FBXL20: variants seen among roughly 807,000 people sequenced by gnomAD.
The protein encoded by FBXL20 is F-box and leucine rich repeat protein 20, also known as F-box/LRR-repeat protein 20.
Under a neutral mutation model 64.0 loss-of-function variants are expected in FBXL20, and 11 were observed. The observed-to-expected ratio is 0.17, with a 90% CI of 0.11 to 0.28. The LOEUF (loss-of-function observed/expected upper bound fraction) is 0.28. Ranked by LOEUF, FBXL20 falls within the 10% of genes least tolerant of loss-of-function variation. The pLI is 1.00. For synonymous variants in FBXL20, 184 were observed against 189.0 expected (o/e 0.97, Z 0.22); for missense variants, 303 against 526.2 (o/e 0.58, Z 4.15).
intron 1 of FBXL20, among the ~76,000 whole-genome samples, chr17:39,364,031 AG>A (rs199798579): frequency 0.011 from 1,599 of 151,712 alleles, 28 homozygotes; most frequent in African/African-American, 0.037. Context: ...CTGAGATTAC[AG>A]GTATGTGCCA....
At chr17:39,396,039 T>C (rs1051396272) in intron 1 of FBXL20, among the ~76,000 whole-genome samples, 2 of 143,078 alleles carry the variant, frequency 1.4e-5, no homozygotes, top group African/African-American at 5.3e-5. Flanking sequence ...TCATTTGTTT[T>C]AGTAGGTGTT....
intron 7 of FBXL20, among the ~76,000 whole-genome samples, chr17:39,284,462 C>T (rs1292719625): frequency 2.6e-5 from 4 of 152,188 alleles, no homozygotes; most frequent in Admixed American, 2.6e-4. Flanking sequence ...CTCACTGCAG[C>T]CTCAACCTGC....
chr17:39,360,394 T>C (rs1471407198), intron 1 of FBXL20, among the ~76,000 whole-genome samples: 2 of 152,166 alleles, frequency 1.3e-5, no homozygotes, highest in African/African-American at 4.8e-5. Context: ...GTACATCTTA[T>C]GCATATTTTA....
At chr17:39,401,125 A>C (rs1346889583) in intron 1 of FBXL20, among the ~76,000 whole-genome samples, 1 of 152,104 alleles carries the variant, frequency 6.6e-6, no homozygotes, top group African/African-American at 2.4e-5. Context: ...GCCCGAGCTA[A>C]TCCCCCGCGG....
At chr17:39,343,010 CTTGA>C in intron 2 of FBXL20, among the ~76,000 whole-genome samples, 166 bp downstream of exon 2, 1 of 152,108 alleles carries the variant, frequency 6.6e-6, no homozygotes, top group East Asian at 1.9e-4. Context: ...TTTGAAATAT[CTTGA>C]TTGACATCTA....
At chr17:39,379,310 T>C (rs1459355426) in intron 1 of FBXL20, among the ~76,000 whole-genome samples, 3 of 151,888 alleles carry the variant, frequency 2.0e-5, no homozygotes, top group African/African-American at 7.2e-5. Context: ...CCTTGTACAC[T>C]GCTGGTGGAA....
chr17:39,256,320 C>CAAAAAAAAA lies in FBXL20; in HGVS notation c.*5131_*5139dup, dbSNP rs34975638. ...TGGGTGACAGAGCGAGACTCCATGTCAAAAAAAAAAAAAAAAAAAAGAAAT... is the reference window on the plus strand; with the variant it reads ...TGGGTGACAGAGCGAGACTCCATGTCAAAAAAAAAAAAAAAAAAAAAAAAAAAAAGAAAT... On this transcript the variant is annotated 3_prime_UTR_variant, in exon 15 of 15. Coordinates refer to ENST00000264658, the MANE Select transcript of FBXL20 (RefSeq NM_032875.3). 1 of 92,012 alleles carries CAAAAAAAAA rather than the reference C, an allele frequency of 1.1e-5. No individual in the cohort carries two copies. Among genetic ancestry groups the CAAAAAAAAA allele is most frequent in the African/African-American group, 3.9e-5 (1 of 25,326 alleles). The allele number at this position is 92,012 out of a possible 1,614,324, so 5.7% of individuals were successfully genotyped here.
chr17:39,378,499 G>A (rs543028467), intron 1 of FBXL20, among the ~76,000 whole-genome samples: 4 of 152,160 alleles, frequency 2.6e-5, no homozygotes, highest in African/African-American at 9.6e-5. Flanking sequence ...CTACAAAGGA[G>A]ATAGACAAAG....
intron 6 of FBXL20, among the ~76,000 whole-genome samples, chr17:39,293,407 G>C (rs2047058202): frequency 6.6e-6 from 1 of 151,436 alleles, no homozygotes; most frequent in African/African-American, 2.4e-5. Flanking sequence ...ATTTTTAGTA[G>C]AGATGGGGTT....
At chr17:39,370,087 G>C (rs117818262) in intron 1 of FBXL20, among the ~76,000 whole-genome samples, 1 of 151,592 alleles carries the variant, frequency 6.6e-6, no homozygotes, top group African/African-American at 2.4e-5. Context: ...CTCTAGCCTG[G>C]ACAACATAGC....
In FBXL20 at chr17:39,370,165, A is replaced by G. The variant is rs141652965; in HGVS notation, c.43-26924T>C. Among the ~76,000 whole-genome samples, 1,467 of 151,714 alleles carry G rather than the reference A, an allele frequency of 9.7e-3. 30 individuals are homozygous for G. The highest frequency in any genetic ancestry group is 0.034 in the African/African-American group (1,387 of 41,384). On this transcript the variant is annotated intron_variant, in intron 1 of 14. Transcript: ENST00000264658. ...AATACATCTTAAAAATAATGTTTGC[A>G]TGTGTCCTTAACAAAGAGGATGGTT...
At chr17:39,277,817 A>C (rs1219870301) in intron 9 of FBXL20, among the ~76,000 whole-genome samples, 6 of 152,150 alleles carry the variant, frequency 3.9e-5, no homozygotes, top group Non-Finnish European at 7.3e-5. Flanking sequence ...ATCTGTCAAG[A>C]AAATGAAAGC....
intron 1 of FBXL20, among the ~76,000 whole-genome samples, chr17:39,385,226 AACACACACGCGCGTGCGTGCACACAC>A (rs1199489849): frequency 2.0e-5 from 3 of 151,962 alleles, no homozygotes; most frequent in Non-Finnish European, 2.9e-5. Flanking sequence ...TGTCTCTAGA[AACACACACGCGCGTGCGTGCACACAC>A]ACACACACAA....
At chr17:39,401,252 G>C in intron 1 of FBXL20, 109 bp downstream of exon 1, 1 of 1,586,048 alleles carries the variant, frequency 6.3e-7, no homozygotes, top group South Asian at 1.1e-5. Flanking sequence ...CCCGCCAGTG[G>C]GTGGGTGACG....
intron 6 of FBXL20, among the ~76,000 whole-genome samples, chr17:39,291,503 A>T (rs1187313430): frequency 1.4e-5 from 2 of 139,502 alleles, no homozygotes; most frequent in Non-Finnish European, 3.0e-5. Context: ...GCACAATCTC[A>T]GCTCACTGCA....
intron 3 of FBXL20, 122 bp downstream of exon 3, chr17:39,303,463 A>C: frequency 1.3e-6 from 1 of 750,910 alleles, no homozygotes; most frequent in Non-Finnish European, 2.1e-6. Context: ...TTGGTGAAAT[A>C]ATCTCCTTTA....
At chr17:39,298,111 C>CTTAT (rs1366493200) in intron 5 of FBXL20, among the ~76,000 whole-genome samples, 5 of 151,668 alleles carry the variant, frequency 3.3e-5, no homozygotes, top group Admixed American at 2.0e-4. Flanking sequence ...TAAATGATTG[C>CTTAT]TTATTTATTT....
At chr17:39,364,292 TTGACATAG>T (rs1287210691) in intron 1 of FBXL20, among the ~76,000 whole-genome samples, 1 of 152,152 alleles carries the variant, frequency 6.6e-6, no homozygotes, top group Non-Finnish European at 1.5e-5. Context: ...TGAATCTAGG[TTGACATAG>T]TGACTTGATT....
chr17:39,396,551 G>C (rs1352974170), intron 1 of FBXL20, among the ~76,000 whole-genome samples: 1 of 145,372 alleles, frequency 6.9e-6, no homozygotes, highest in Non-Finnish European at 1.5e-5. Flanking sequence ...AGCCAAGATC[G>C]CACCATTGCA....
Sources: allele counts gnomAD v4.1 joint callset (sites outside exome capture counted in the v4.1 genomes callset), GRCh38; gene constraint gnomAD v4.1.1; transcripts MANE v1.5; gene names NCBI Gene and HGNC (gene_info 2026-07-23, HGNC 2026-07-21).